Variants in NPAS3 observed in about 807,000 individuals in gnomAD.
The protein encoded by NPAS3 is neuronal PAS domain protein 3.
In NPAS3, 14 loss-of-function variants were observed where a neutral mutation model predicts 73.1. The observed-to-expected ratio is 0.19, with a 90% CI of 0.13 to 0.30. NPAS3 has a LOEUF of 0.30. Ranked by LOEUF, NPAS3 falls within the 10% of genes least tolerant of loss-of-function variation. NPAS3 has a pLI of 1.00. For synonymous variants in NPAS3, 620 were observed against 541.5 expected (o/e 1.14, Z -2.01); for missense variants, 1,096 against 1,250.0 (o/e 0.88, Z 1.86).
At chr14:33,101,588 G>A (rs1015091954) in intron 2 of NPAS3, among the ~76,000 whole-genome samples, 1 of 152,110 alleles carries the variant, frequency 6.6e-6, no homozygotes, top group African/African-American at 2.4e-5. Flanking sequence ...ACCCTGATCA[G>A]GTAGAGAAAG....
intron 4 of NPAS3, among the ~76,000 whole-genome samples, chr14:33,403,018 C>G (rs1382161020): frequency 6.6e-6 from 1 of 152,080 alleles, no homozygotes; most frequent in Non-Finnish European, 1.5e-5. Context: ...TGTATGCTGA[C>G]TTGGCATTGG....
At chr14:33,485,813 C>T (rs894588910) in intron 4 of NPAS3, among the ~76,000 whole-genome samples, 2 of 151,998 alleles carry the variant, frequency 1.3e-5, no homozygotes, top group African/African-American at 4.8e-5. Context: ...AACTTACCCA[C>T]ATTCATAAAG....
intron 6 of NPAS3, among the ~76,000 whole-genome samples, chr14:33,722,621 C>G (rs1472661802): frequency 6.6e-6 from 1 of 151,798 alleles, no homozygotes; most frequent in East Asian, 1.9e-4. Context: ...TAAGATGGAG[C>G]AGTGGTCATT....
chr14:33,386,829 C>T (rs1311801058), intron 4 of NPAS3, among the ~76,000 whole-genome samples: 3 of 152,084 alleles, frequency 2.0e-5, no homozygotes, highest in Non-Finnish European at 4.4e-5. Context: ...ATCAGGTGGG[C>T]GTCTTCATGC....
At chr14:33,457,238 G>A (rs559426103) in intron 4 of NPAS3, among the ~76,000 whole-genome samples, 2 of 152,326 alleles carry the variant, frequency 1.3e-5, no homozygotes, top group East Asian at 1.9e-4. Flanking sequence ...GTTCTCCAAG[G>A]ATTACAAGAG....
chr14:33,718,410 T>C (rs1327645870), intron 6 of NPAS3, among the ~76,000 whole-genome samples: 1 of 152,204 alleles, frequency 6.6e-6, no homozygotes. Flanking sequence ...TTCTGTACCA[T>C]TTTCTAGTAA....
chr14:33,182,284 A>G (rs558415179), intron 2 of NPAS3, among the ~76,000 whole-genome samples: 2 of 152,308 alleles, frequency 1.3e-5, no homozygotes, highest in Admixed American at 6.5e-5. Context: ...CTGGATGTTC[A>G]ACAAACATAG....
chr14:32,952,546 T>C (rs2036524624), intron 1 of NPAS3, among the ~76,000 whole-genome samples: 1 of 152,094 alleles, frequency 6.6e-6, no homozygotes, highest in Admixed American at 6.6e-5. Context: ...GTCAACACTT[T>C]GAAGTACCTC....
At chr14:33,428,683 T>C (rs914470545) in intron 4 of NPAS3, among the ~76,000 whole-genome samples, 1 of 152,162 alleles carries the variant, frequency 6.6e-6, no homozygotes, top group African/African-American at 2.4e-5. Flanking sequence ...AGCTTAGACT[T>C]AAACTAAGGG....
intron 1 of NPAS3, among the ~76,000 whole-genome samples, chr14:32,995,216 C>T (rs914164154): frequency 1.3e-5 from 2 of 152,338 alleles, no homozygotes; most frequent in African/African-American, 4.8e-5. Flanking sequence ...GCCCATCCAA[C>T]TCCCTCCCTT....
intron 3 of NPAS3, among the ~76,000 whole-genome samples, chr14:33,239,958 A>T (rs2048163567): frequency 6.6e-6 from 1 of 151,864 alleles, no homozygotes; most frequent in African/African-American, 2.4e-5. Flanking sequence ...AACCCCTCAA[A>T]TGTGGCTAAG....
intron 5 of NPAS3, among the ~76,000 whole-genome samples, chr14:33,590,321 TCA>T (rs1486336943): frequency 6.6e-6 from 1 of 152,154 alleles, no homozygotes; most frequent in Non-Finnish European, 1.5e-5. Context: ...TGTTTTGTCT[TCA>T]GTGGCTTTCA....
At chr14:33,434,760 G>A (rs933569559) in intron 4 of NPAS3, among the ~76,000 whole-genome samples, 2 of 152,144 alleles carry the variant, frequency 1.3e-5, no homozygotes, top group Non-Finnish European at 2.9e-5. Context: ...CAAGAATATA[G>A]TACGAGTTGA....
At chr14:33,404,899 G>T (rs1446229170) in intron 4 of NPAS3, among the ~76,000 whole-genome samples, 2 of 152,040 alleles carry the variant, frequency 1.3e-5, no homozygotes, top group Non-Finnish European at 2.9e-5. Flanking sequence ...TGTGGATGTG[G>T]GAGTTTTCCT....
At chr14:32,964,047 A>G (rs2037043081) in intron 1 of NPAS3, among the ~76,000 whole-genome samples, 1 of 151,540 alleles carries the variant, frequency 6.6e-6, no homozygotes, top group South Asian at 2.1e-4. Flanking sequence ...AAGTGATCAC[A>G]TTTACAAAAA....
At chr14:33,135,083 A>G (rs994695412) in intron 2 of NPAS3, among the ~76,000 whole-genome samples, 2 of 152,176 alleles carry the variant, frequency 1.3e-5, no homozygotes, top group Non-Finnish European at 2.9e-5. Context: ...GAAAAATATA[A>G]CTATCCTTAC....
intron 4 of NPAS3, among the ~76,000 whole-genome samples, chr14:33,485,167 A>G (rs1334914403): frequency 1.3e-5 from 2 of 152,128 alleles, no homozygotes; most frequent in Non-Finnish European, 2.9e-5. Context: ...GTCTGTGATA[A>G]GAATCTCTTA....
intron 1 of NPAS3, among the ~76,000 whole-genome samples, chr14:32,988,472 G>T (rs887729601): frequency 6.6e-6 from 1 of 152,162 alleles, no homozygotes; most frequent in African/African-American, 2.4e-5. Context: ...AAAAAAGATT[G>T]ATTAAAATGT....
intron 1 of NPAS3, among the ~76,000 whole-genome samples, chr14:33,018,306 C>T (rs1371516947): frequency 1.3e-5 from 2 of 152,168 alleles, no homozygotes; most frequent in Non-Finnish European, 2.9e-5. Flanking sequence ...GCAGAATGGG[C>T]TCCAGGGGTA....
Sources: gnomAD v4.1 joint callset for allele counts (sites outside exome capture counted in the v4.1 genomes callset) on GRCh38, gnomAD v4.1.1 for gene constraint, MANE v1.5 for transcripts, NCBI Gene and HGNC (gene_info 2026-07-23, HGNC 2026-07-21) for gene names.